MTX2: variants seen among roughly 807,000 people sequenced by gnomAD.
MTX2 encodes metaxin 2.
MTX2 carries 35 observed loss-of-function variants against 42.3 expected under a neutral mutation model. The ratio of observed to expected loss-of-function variants is 0.83; its 90% CI spans 0.63 to 1.10. MTX2 has a LOEUF of 1.10. Ranked by LOEUF, MTX2 falls within the 50% of genes least tolerant of loss-of-function variation. The pLI, the probability that MTX2 is intolerant of heterozygous loss-of-function variation, is 0.00. For missense variants in MTX2, 307 were observed against 304.1 expected, an observed-to-expected ratio of 1.01 and a Z score of -0.07; for synonymous variants, 119 against 100.9, an observed-to-expected ratio of 1.18 and a Z score of -1.08.
At position 176,297,043 on chromosome 2, in the gene MTX2, G is replaced by A. The variant is rs1683904993; in HGVS notation, c.88+136G>A. Reference sequence around the variant, plus strand: ...TTCCCTTGTATAATTTGTCTAGGAGGTTTTACCTGAACTTGTATCTGCCAG... The same window carrying A: ...TTCCCTTGTATAATTTGTCTAGGAGATTTTACCTGAACTTGTATCTGCCAG... On this transcript the variant is annotated intron_variant, in intron 2 of 9. Transcript: ENST00000249442. The A allele has an allele frequency of 7.2e-6, 7 of 966,504 alleles. No individual in the cohort carries two copies. In the South Asian group the frequency reaches 7.9e-5, roughly 11 times the overall value. 59.9% of individuals were successfully genotyped at this position (966,504 alleles called of 1,614,324 possible).
intron 3 of MTX2, among the ~76,000 whole-genome samples, chr2:176,307,864 T>A (rs1684191449): frequency 6.6e-6 from 1 of 152,212 alleles, no homozygotes; most frequent in African/African-American, 2.4e-5. Context: ...TTTGACTTCC[T>A]GATTTCTTAA....
intron 3 of MTX2, among the ~76,000 whole-genome samples, chr2:176,300,601 A>G (rs916043166): frequency 2.0e-5 from 3 of 152,084 alleles, no homozygotes; most frequent in African/African-American, 7.2e-5. Flanking sequence ...GCAAATACAT[A>G]TATGCTCTCA....
chr2:176,297,238 G>A (rs1449961545), intron 2 of MTX2, among the ~76,000 whole-genome samples: 1 of 152,160 alleles, frequency 6.6e-6, no homozygotes, highest in Non-Finnish European at 1.5e-5. Context: ...TGGGCTCTCA[G>A]TAAAAAGGAA....
intron 3 of MTX2, among the ~76,000 whole-genome samples, chr2:176,300,141 CAG>C (rs986017727): frequency 0.015 from 1,270 of 82,344 alleles, 10 homozygotes; most frequent in Non-Finnish European, 0.022. Context: ...ACTAGAGAGA[CAG>C]AGAGAGAGAG....
chr2:176,330,251 A>G (rs1282452647), intron 8 of MTX2, among the ~76,000 whole-genome samples: 1 of 150,796 alleles, frequency 6.6e-6, no homozygotes, highest in Non-Finnish European at 1.5e-5. Context: ...GTTCTTGACA[A>G]AATCCTTATA....
At chr2:176,315,704 A>AGG (rs1684419688) in intron 3 of MTX2, among the ~76,000 whole-genome samples, 2 of 152,110 alleles carry the variant, frequency 1.3e-5, no homozygotes, top group Non-Finnish European at 2.9e-5. Context: ...CTCTGATCCC[A>AGG]TCTCTTAGTA....
Position 176,311,698 on chromosome 2 carries a change from A to T in MTX2, c.136-11694A>T, listed in dbSNP as rs554731343. The stretch of plus-strand genomic sequence containing the variant: ...GTGAGCAAGGCTCTGTGGGCGTGGG[A>T]GCCACTGAGCCAGGCACGGGAGAGA... On this transcript the variant is annotated intron_variant, in intron 3 of 9. Coordinates refer to ENST00000249442, the MANE Select transcript of MTX2 (RefSeq NM_006554.5). 1.4e-4 allele frequency among the ~76,000 whole-genome samples: 21 copies of T among 152,312 alleles called. No individual in the cohort carries two copies. The East Asian group carries it at 4.1e-3, about 29-fold the overall frequency.
At chr2:176,288,202 A>G (rs1479839273) in intron 1 of MTX2, among the ~76,000 whole-genome samples, 1 of 152,080 alleles carries the variant, frequency 6.6e-6, no homozygotes, top group Non-Finnish European at 1.5e-5. Flanking sequence ...CGAATTTAAT[A>G]TATAGCCCTT....
intron 9 of MTX2, among the ~76,000 whole-genome samples, chr2:176,333,829 T>G (rs550748413): frequency 9.9e-5 from 15 of 151,872 alleles, no homozygotes; most frequent in African/African-American, 3.4e-4. Context: ...TTTGGCAATG[T>G]GCTGTATAGG....
chr2:176,303,159 G>A (rs1275192270), intron 3 of MTX2, among the ~76,000 whole-genome samples: 1 of 152,116 alleles, frequency 6.6e-6, no homozygotes, highest in Admixed American at 6.5e-5. Context: ...TAAACCTGAT[G>A]TAAATAGAAG....
rs1465431218 is a variant in MTX2, at chr2:176,270,055, A to G, written c.40+386A>G. On this transcript the variant is annotated intron_variant, in intron 1 of 9. Transcript: ENST00000249442. ...GCAGTTTCTGGGTCTTGGTACTCAAAAAGTTTAAGGTGACTGTCACTAATC... is the reference window on the plus strand; with the variant it reads ...GCAGTTTCTGGGTCTTGGTACTCAAGAAGTTTAAGGTGACTGTCACTAATC... Among the ~76,000 whole-genome samples, 56 of 152,086 alleles carry G rather than the reference A, an allele frequency of 3.7e-4. 1 individual carries two copies. The highest frequency in any genetic ancestry group is 3.7e-3 in the Admixed American group (56 of 15,272).
At chr2:176,288,246 A>G (rs1693251801) in intron 1 of MTX2, among the ~76,000 whole-genome samples, 1 of 152,080 alleles carries the variant, frequency 6.6e-6, no homozygotes, top group Non-Finnish European at 1.5e-5. Flanking sequence ...CCATATCATC[A>G]TATTTTAAGT....
At chr2:176,308,757 T>C (rs975594688) in intron 3 of MTX2, among the ~76,000 whole-genome samples, 1 of 152,212 alleles carries the variant, frequency 6.6e-6, no homozygotes, top group African/African-American at 2.4e-5. Flanking sequence ...TCATTTTTTA[T>C]TGTGTCTATT....
At chr2:176,282,587 A>C (rs185690608) in intron 1 of MTX2, among the ~76,000 whole-genome samples, 55 of 152,224 alleles carry the variant, frequency 3.6e-4, no homozygotes, top group African/African-American at 1.2e-3. Context: ...TTTCTTCATG[A>C]ATATTTCTAT....
intron 1 of MTX2, 55 bp downstream of exon 1, chr2:176,269,724 G>A (rs943755279): frequency 1.8e-5 from 28 of 1,550,136 alleles, no homozygotes; most frequent in African/African-American, 9.6e-5. Flanking sequence ...GGGGAGCCGC[G>A]TGGGGTACAG....
intron 3 of MTX2, among the ~76,000 whole-genome samples, chr2:176,313,165 TTAA>T (rs1341213396): frequency 2.0e-5 from 3 of 151,942 alleles, no homozygotes; most frequent in Non-Finnish European, 4.4e-5. Context: ...GTTACTACTA[TTAA>T]TAATAATACC....
intron 1 of MTX2, among the ~76,000 whole-genome samples, chr2:176,279,853 TTAAAA>T (rs1693037150): frequency 6.6e-6 from 1 of 152,132 alleles, no homozygotes; most frequent in Non-Finnish European, 1.5e-5. Flanking sequence ...AATTTTAATA[TTAAAA>T]TAAATATTTA....
chr2:176,309,202 C>T lies in MTX2; in HGVS notation c.135+11307C>T, dbSNP rs1684230614. 2.0e-5 allele frequency among the ~76,000 whole-genome samples: 3 copies of T among 152,050 alleles called. No homozygotes were observed. In the South Asian group the frequency reaches 6.2e-4, roughly 32 times the overall value. ...TCAGTTTCCATGTAGCTGAGCAGTT[C>T]TGAGTGAGTTTCTTAATCCTGAGTT... is the stretch of plus-strand genomic sequence containing the variant. On this transcript the variant is annotated intron_variant, in intron 3 of 9. Transcript: ENST00000249442.
intron 3 of MTX2, among the ~76,000 whole-genome samples, chr2:176,311,077 G>T (rs953555798): frequency 6.6e-6 from 1 of 152,150 alleles, no homozygotes; most frequent in Non-Finnish European, 1.5e-5. Flanking sequence ...TACAAATGGG[G>T]TTTTGGTGTA....
Sources: gnomAD v4.1 joint callset for allele counts (sites outside exome capture counted in the v4.1 genomes callset) on GRCh38, gnomAD v4.1.1 for gene constraint, MANE v1.5 for transcripts, NCBI Gene and HGNC (gene_info 2026-07-23, HGNC 2026-07-21) for gene names.